Variants in TMEM154 observed in about 807,000 individuals in gnomAD.
TMEM154 encodes the protein transmembrane protein 154.
Under a neutral mutation model 24.5 loss-of-function variants are expected in TMEM154, and 27 were observed. That is an observed-to-expected ratio of 1.10 (90% CI 0.81 to 1.52). The LOEUF (loss-of-function observed/expected upper bound fraction) is 1.52. Among genes scored for constraint, TMEM154 ranks in the 40% most tolerant of loss-of-function variants. TMEM154 has a pLI of 0.00. For missense variants in TMEM154, 228 were observed against 213.4 expected (o/e 1.07, Z -0.43); for synonymous variants, 67 against 76.8 (o/e 0.87, Z 0.67).
chr4:152,628,439 G>T lies in TMEM154; in HGVS notation c.*107C>A. On this transcript the variant is annotated 3_prime_UTR_variant, in exon 7 of 7. Transcript: ENST00000304385. ...AACAGCAAAAGGTTCTTGTGTCTAT[G>T]TTGATTTGAAATTAATTAAATTTGT... 1 of 1,561,198 alleles carries T rather than the reference G, an allele frequency of 6.4e-7. No individual in the cohort carries two copies. Among genetic ancestry groups the T allele is most frequent in the Non-Finnish European group, 8.8e-7 (1 of 1,136,576 alleles).
intron 1 of TMEM154, chr4:152,670,167 T>C (rs1159496206): frequency 2.0e-5 from 3 of 152,240 alleles, no homozygotes; most frequent in Non-Finnish European, 2.9e-5. Context: ...TGTGTTCATA[T>C]TTTCAGAAGG....
In TMEM154 at chr4:152,640,836, C is replaced by T. The variant is rs558673389; in HGVS notation, c.536+92G>A. ...AATGATCTCATACGAATTATAGGCA[C>T]GGAGGAGGTAAGCAAAAAGTGTTCC... On this transcript the variant is annotated intron_variant, in intron 6 of 6. Coordinates refer to ENST00000304385, the MANE Select transcript of TMEM154 (RefSeq NM_152680.3). 5.3e-4 allele frequency: 566 copies of T among 1,070,932 alleles called. 3 individuals carry two copies. The African/African-American group carries it at 7.9e-3, about 15-fold the overall frequency. The allele number at this position is 1,070,932 out of a possible 1,614,324, so 66.3% of individuals were successfully genotyped here. A position where few individuals can be genotyped will look rare whatever the true frequency, so the allele number is the denominator to read the frequency against.
At chr4:152,661,593 A>C (rs1417156097) in intron 1 of TMEM154, among the ~76,000 whole-genome samples, 1 of 152,058 alleles carries the variant, frequency 6.6e-6, no homozygotes, top group Non-Finnish European at 1.5e-5. Flanking sequence ...ATAGGTGACA[A>C]ATAACAGATG....
At chr4:152,652,395 A>G in intron 3 of TMEM154, 143 bp downstream of exon 3, 1 of 1,291,374 alleles carries the variant, frequency 7.7e-7, no homozygotes, top group Non-Finnish European at 1.0e-6. Context: ...GAATATGCAT[A>G]TATTCACTTC....
intron 6 of TMEM154, chr4:152,639,874 A>G (rs1232770144): frequency 6.5e-6 from 1 of 152,990 alleles, no homozygotes; most frequent in Non-Finnish European, 1.5e-5. Context: ...AATCTACAAT[A>G]GGTATAGACT....
At chr4:152,667,239 C>T (rs1024430128) in intron 1 of TMEM154, among the ~76,000 whole-genome samples, 1 of 152,186 alleles carries the variant, frequency 6.6e-6, no homozygotes, top group Non-Finnish European at 1.5e-5. Context: ...GTCTGATCTC[C>T]TCCTTCCCCT....
chr4:152,659,059 C>T (rs1283933178), intron 1 of TMEM154, among the ~76,000 whole-genome samples: 2 of 152,184 alleles, frequency 1.3e-5, no homozygotes, highest in Non-Finnish European at 2.9e-5. Flanking sequence ...AATAATTGCA[C>T]TCGCGTGTTC....
intron 6 of TMEM154, among the ~76,000 whole-genome samples, chr4:152,633,406 C>T (rs758181624): frequency 6.6e-6 from 1 of 152,214 alleles, no homozygotes; most frequent in Non-Finnish European, 1.5e-5. Flanking sequence ...CTCCCAAATG[C>T]TCCTTCCTTT....
At chr4:152,639,934 TGAGGA>T (rs2149780058) in intron 6 of TMEM154, 1 of 152,892 alleles carries the variant, frequency 6.5e-6, no homozygotes, top group African/African-American at 2.4e-5. Flanking sequence ...TGGTGTGATG[TGAGGA>T]GAGATTTGGG....
Position 152,621,350 on chromosome 4 carries a change from G to A in TMEM154, c.*7196C>T, listed in dbSNP as rs1751841141. On this transcript the variant is annotated 3_prime_UTR_variant, in exon 7 of 7. Coordinates refer to ENST00000304385, the MANE Select transcript of TMEM154 (RefSeq NM_152680.3). The stretch of plus-strand genomic sequence containing the variant: ...CTTGTGTCCTAGATGACCAGGGAGC[G>A]GCCATATGAGCTCACCTTGAATCAG... The A allele has an allele frequency of 1.3e-5, 2 of 152,180 alleles. No homozygotes were observed. The highest frequency in any genetic ancestry group is 2.1e-4 in the South Asian group (1 of 4,832). 9.4% of individuals were successfully genotyped at this position (152,180 alleles called of 1,614,324 possible).
intron 6 of TMEM154, among the ~76,000 whole-genome samples, chr4:152,638,079 C>T (rs1752184387): frequency 6.6e-6 from 1 of 152,138 alleles, no homozygotes; most frequent in South Asian, 2.1e-4. Context: ...GCCTGAGCAA[C>T]ATAAGGAGAC....
At chr4:152,658,441 A>G (rs1227505023) in intron 1 of TMEM154, among the ~76,000 whole-genome samples, 2 of 152,220 alleles carry the variant, frequency 1.3e-5, no homozygotes, top group Admixed American at 6.5e-5. Flanking sequence ...AATAAAGATC[A>G]GAGCAGAACT....
intron 6 of TMEM154, among the ~76,000 whole-genome samples, chr4:152,629,199 TAATA>T (rs2149776882): frequency 6.6e-6 from 1 of 152,330 alleles, no homozygotes; most frequent in African/African-American, 2.4e-5. Context: ...GTTCCCCGTT[TAATA>T]AATCTAATCC....
At chr4:152,645,834 T>C (rs538502641) in intron 3 of TMEM154, among the ~76,000 whole-genome samples, 1 of 152,062 alleles carries the variant, frequency 6.6e-6, no homozygotes, top group East Asian at 1.9e-4. Context: ...ACCGCTTGCC[T>C]TCCAGGAGCT....
Position 152,623,241 on chromosome 4 carries a change from T to C in TMEM154, c.*5305A>G, listed in dbSNP as rs1349298261. On this transcript the variant is annotated 3_prime_UTR_variant, in exon 7 of 7. Transcript: ENST00000304385. Reference sequence around the variant, plus strand: ...TAACTGACCTTCTCAGCAGATACTCTGCATCACTTGTAAAACAAAAGAAAG... The same window carrying C: ...TAACTGACCTTCTCAGCAGATACTCCGCATCACTTGTAAAACAAAAGAAAG... 2 of 152,068 alleles carry C rather than the reference T, an allele frequency of 1.3e-5. No homozygotes were observed. The highest frequency in any genetic ancestry group is 1.9e-4 in the East Asian group (1 of 5,204). 9.4% of individuals were successfully genotyped at this position (152,068 alleles called of 1,614,324 possible).
rs1427364026 is a variant in TMEM154, at chr4:152,622,023, G to C, written c.*6523C>G. 6.6e-6 allele frequency: 1 copy of C among 151,850 alleles called. No homozygotes were observed. The highest frequency in any genetic ancestry group is 6.6e-5 in the Admixed American group (1 of 15,230). The allele number at this position is 151,850 out of a possible 1,614,324, so 9.4% of individuals were successfully genotyped here. ...AGTAGAGACAGGGTTTCACCATATT[G>C]GTCAGACTGGTCTCGAACTCCTGAC... On this transcript the variant is annotated 3_prime_UTR_variant, in exon 7 of 7. Transcript: ENST00000304385.
chr4:152,640,877 C>T, intron 6 of TMEM154, 51 bp downstream of exon 6: 1 of 859,998 alleles, frequency 1.2e-6, no homozygotes, highest in African/African-American at 1.7e-5. Context: ...GGTTCCCAAT[C>T]CCCCCGCCCC....
At chr4:152,634,097 G>C (rs1305772493) in intron 6 of TMEM154, among the ~76,000 whole-genome samples, 5 of 147,938 alleles carry the variant, frequency 3.4e-5, no homozygotes, top group Non-Finnish European at 7.4e-5. Flanking sequence ...TATAGTAACA[G>C]GCTGACAAAT....
At chr4:152,654,704 G>A (rs1211366512) in intron 1 of TMEM154, among the ~76,000 whole-genome samples, 1 of 152,186 alleles carries the variant, frequency 6.6e-6, no homozygotes, top group Non-Finnish European at 1.5e-5. Context: ...CGGAAAGGTG[G>A]TGACTGCAGG....
Sources: allele counts gnomAD v4.1 joint callset (sites outside exome capture counted in the v4.1 genomes callset), GRCh38; gene constraint gnomAD v4.1.1; transcripts MANE v1.5; gene names NCBI Gene and HGNC (gene_info 2026-07-23, HGNC 2026-07-21).